The following COL5A2 variants were observed in gnomAD, a reference collection of about 807,000 sequenced individuals.
COL5A2 encodes the protein collagen type V alpha 2 chain, also known as collagen alpha-2(V) chain.
A neutral mutation model predicts 208.2 loss-of-function variants in COL5A2; 23 were observed. The ratio of observed to expected loss-of-function variants is 0.11; its 90% confidence interval spans 0.08 to 0.16. The LOEUF is 0.16. Ranked by LOEUF, COL5A2 falls within the 10% of genes least tolerant of loss-of-function variation. COL5A2 has a pLI of 1.00. For missense variants in COL5A2, 1,590 were observed against 1,956.4 expected (o/e 0.81, Z 3.53); for synonymous variants, 625 against 628.5 (o/e 0.99, Z 0.08).
intron 2 of COL5A2, among the ~76,000 whole-genome samples, chr2:189,107,933 A>C (rs976852430): frequency 2.0e-5 from 3 of 151,692 alleles, no homozygotes; most frequent in Non-Finnish European, 4.4e-5. Flanking sequence ...TTCTTCTAGC[A>C]TTCCATTTTA....
At chr2:189,360,788 G>C in the COL5A2 span, among the ~76,000 whole-genome samples, 1 of 151,672 alleles carries the variant, frequency 6.6e-6, no homozygotes, top group East Asian at 1.9e-4. Flanking sequence ...CCCTCCAACA[G>C]GCCCCAGTCT....
intron 1 of COL5A2, among the ~76,000 whole-genome samples, chr2:189,194,399 A>T (rs1259063644): frequency 6.6e-6 from 1 of 152,186 alleles, no homozygotes; most frequent in Non-Finnish European, 1.5e-5. Context: ...CATTTACAAC[A>T]TTTATTTCTC....
intron 1 of COL5A2, among the ~76,000 whole-genome samples, chr2:189,187,221 T>G (rs1688864053): frequency 6.6e-6 from 1 of 152,228 alleles, no homozygotes; most frequent in African/African-American, 2.4e-5. Flanking sequence ...CATTTTATAT[T>G]GAGATTCAGA....
intron 23 of COL5A2, 52 bp from the exon 24 acceptor site, chr2:189,065,109 T>C (rs1448473444): frequency 6.6e-7 from 1 of 1,518,932 alleles, no homozygotes; most frequent in African/African-American, 1.4e-5. Flanking sequence ...TTTTGCAATA[T>C]GTAATGAATA....
At chr2:189,391,656 T>C in the COL5A2 span, among the ~76,000 whole-genome samples, 1 of 152,132 alleles carries the variant, frequency 6.6e-6, no homozygotes, top group African/African-American at 2.4e-5. Flanking sequence ...TCTCCTTCTA[T>C]TAGAAGGAAG....
chr2:189,201,325 C>T (rs1467612599), intron 1 of COL5A2, among the ~76,000 whole-genome samples: 2 of 151,566 alleles, frequency 1.3e-5, no homozygotes, highest in Non-Finnish European at 3.0e-5. Flanking sequence ...TGAAATGATA[C>T]AAAATACTTA....
intron 45 of COL5A2, among the ~76,000 whole-genome samples, chr2:189,047,337 G>A (rs1330710929): frequency 6.6e-6 from 1 of 152,178 alleles, no homozygotes. Context: ...AAGTTGCCAA[G>A]AGAATTTGCA....
rs555403659 is a variant in COL5A2, at chr2:189,213,915, G to T, written c.-42+11233C>A. 2.0e-5 allele frequency among the ~76,000 whole-genome samples: 3 copies of T among 152,242 alleles called. No homozygotes were observed. The South Asian group carries it at 6.2e-4, about 32-fold the overall frequency. On this transcript the variant is annotated intron_variant, in intron 1 of 10. Coordinates refer to the COL5A2 transcript ENST00000649966. ...GTGTACGTCTTGATCTGGGTATAGT[G>T]ACAAGGCTATTTGCCTTATTATATT...
chr2:189,297,826 T>C, the COL5A2 span, among the ~76,000 whole-genome samples: 2 of 152,212 alleles, frequency 1.3e-5, no homozygotes, highest in South Asian at 2.1e-4. Context: ...TTCTCAAAAA[T>C]GAATACCACT....
chr2:189,053,705 C>T (rs1685839679), intron 37 of COL5A2, among the ~76,000 whole-genome samples, 190 bp downstream of exon 37: 1 of 152,016 alleles, frequency 6.6e-6, no homozygotes, highest in African/African-American at 2.4e-5. Context: ...AAACAAGCTG[C>T]CTAACTACAC....
chr2:189,046,825 AAAAAAT>A (rs1366986613), intron 45 of COL5A2, among the ~76,000 whole-genome samples: 2 of 152,124 alleles, frequency 1.3e-5, no homozygotes, highest in Non-Finnish European at 2.9e-5. Flanking sequence ...GAAAAAAAAA[AAAAAAT>A]ACTTGCCCGG....
chr2:189,149,426 G>T (rs1688102696), intron 1 of COL5A2, among the ~76,000 whole-genome samples: 2 of 152,058 alleles, frequency 1.3e-5, no homozygotes, highest in South Asian at 2.1e-4. Flanking sequence ...CCATCTAAAA[G>T]AAATTATTGG....
At chr2:189,259,291 G>A in the COL5A2 span, among the ~76,000 whole-genome samples, 2 of 152,166 alleles carry the variant, frequency 1.3e-5, no homozygotes, top group Non-Finnish European at 2.9e-5. Flanking sequence ...GTATGCTATT[G>A]TAAGATTTTC....
In COL5A2 at chr2:189,064,664, A is replaced by C; in HGVS notation, c.1618-9T>G. The C allele has an allele frequency of 6.3e-7, 1 of 1,589,770 alleles. No individual in the cohort carries two copies. Among genetic ancestry groups the C allele is most frequent in the Non-Finnish European group, 8.6e-7 (1 of 1,157,946 alleles). On this transcript the variant is annotated splice_polypyrimidine_tract_variant and intron_variant, in intron 24 of 53. Transcript: ENST00000374866. ...CGTTCTCCTTGAGCACCCTGTACCG[A>C]GGCAAAGCAGATGCATGAAGAAAAA...
the COL5A2 span, among the ~76,000 whole-genome samples, chr2:189,292,144 C>T: frequency 1.3e-5 from 2 of 152,102 alleles, no homozygotes; most frequent in African/African-American, 4.8e-5. Context: ...ACTGGGTAAA[C>T]TAATTTGATA....
At chr2:189,241,936 T>A in the COL5A2 span, among the ~76,000 whole-genome samples, 1 of 152,236 alleles carries the variant, frequency 6.6e-6, no homozygotes, top group Non-Finnish European at 1.5e-5. Context: ...TATCCCATTT[T>A]ATGTACTTTT....
chr2:189,319,911 C>G, the COL5A2 span, among the ~76,000 whole-genome samples: 24 of 152,314 alleles, frequency 1.6e-4, no homozygotes, highest in Admixed American at 1.6e-3. Flanking sequence ...GGGAGGCACC[C>G]CCCCAGTAGG....
chr2:189,439,958 A>G, the COL5A2 span, among the ~76,000 whole-genome samples: 1 of 152,260 alleles, frequency 6.6e-6, no homozygotes, highest in Non-Finnish European at 1.5e-5. Flanking sequence ...GACTAAACAA[A>G]AAGAGGTTAA....
chr2:189,218,284 G>A (rs926497355), intron 1 of COL5A2, among the ~76,000 whole-genome samples: 1 of 152,168 alleles, frequency 6.6e-6, no homozygotes. Context: ...GCTAGTTAAG[G>A]CCATACTGGA....
Sources: allele counts gnomAD v4.1 joint callset (sites outside exome capture counted in the v4.1 genomes callset), GRCh38; gene constraint gnomAD v4.1.1; transcripts MANE v1.5; gene names NCBI Gene and HGNC (gene_info 2026-07-23, HGNC 2026-07-21).